The following TIMM44 variants were observed in gnomAD, a reference collection of about 807,000 sequenced individuals.
The protein encoded by TIMM44 is translocase of inner mitochondrial membrane 44.
In TIMM44, 37 loss-of-function variants were observed where a neutral mutation model predicts 63.8. The observed-to-expected ratio is 0.58, with a 90% CI of 0.45 to 0.76. TIMM44 has a LOEUF of 0.76. TIMM44 is among the 30% of genes least tolerant of loss of function. TIMM44 has a pLI of 0.00. For missense variants in TIMM44, 573 were observed against 603.8 expected (o/e 0.95, Z 0.54); for synonymous variants, 239 against 245.1 (o/e 0.98, Z 0.23).
chr19:7,943,271 T>C lies in TIMM44; in HGVS notation c.45+336A>G, dbSNP rs1297111243. On this transcript the variant is annotated intron_variant, in intron 1 of 12. Transcript: ENST00000270538. This position sits in a 1 kb window ranked among gnomAD's most constrained non-coding sequence, Gnocchi z 4.3. ...AACCGCGAGCTGTGAATTTCACGTT[T>C]TTTTGCCTTCCCCTCTACTTTTTTC... Among the ~76,000 whole-genome samples the C allele has an allele frequency of 6.6e-6, 1 of 152,048 alleles. No individual in the cohort carries two copies. Among genetic ancestry groups the C allele is most frequent in the Non-Finnish European group, 1.5e-5 (1 of 68,000 alleles).
Position 7,933,838 on chromosome 19 carries a change from A to C in TIMM44, c.683+26T>G, listed in dbSNP as rs1984057396. ...AGTGAAAGCTGCCCAAAATGGGGGC[A>C]GCGAGGGCCACGGGCTGGTACCTAC... On this transcript the variant is annotated intron_variant, in intron 6 of 12. Transcript: ENST00000270538. This position sits in a 1 kb window ranked among gnomAD's most constrained non-coding sequence, Gnocchi z 4.3. The C allele has an allele frequency of 6.2e-7, 1 of 1,613,634 alleles. No homozygotes were observed. Among genetic ancestry groups the C allele is most frequent in the African/African-American group, 1.3e-5 (1 of 74,936 alleles).
intron 3 of TIMM44, 54 bp from the exon 4 acceptor site, chr19:7,935,199 T>G: frequency 1.4e-6 from 2 of 1,452,668 alleles, no homozygotes; most frequent in Non-Finnish European, 1.9e-6. Flanking sequence ...AGACAATGTC[T>G]CCGTTGCCGA....
intron 2 of TIMM44, among the ~76,000 whole-genome samples, chr19:7,940,868 T>C (rs1411974991): frequency 6.6e-6 from 1 of 152,054 alleles, no homozygotes; most frequent in Non-Finnish European, 1.5e-5. Flanking sequence ...TAAAGGGCTA[T>C]TCTGACAGCA....
chr19:7,940,434 G>A (rs535067669), intron 2 of TIMM44, among the ~76,000 whole-genome samples: 2 of 152,194 alleles, frequency 1.3e-5, no homozygotes, highest in Non-Finnish European at 2.9e-5. Flanking sequence ...GAGTGAGTGT[G>A]TGGCGGGGGA....
chr19:7,937,994 G>C (rs961747739), intron 3 of TIMM44, 33 bp downstream of exon 3: 2 of 1,613,304 alleles, frequency 1.2e-6, no homozygotes, highest in Admixed American at 3.3e-5. Flanking sequence ...CTCCAGCCTG[G>C]GTGAGGGAAA....
rs1984234314 is a variant in TIMM44, at chr19:7,939,183, A to G, written c.142-986T>C. 2.0e-5 allele frequency among the ~76,000 whole-genome samples: 3 copies of G among 152,186 alleles called. 1 individual carries two copies. The South Asian group carries it at 6.2e-4, about 32-fold the overall frequency. ...ATCAACATCCTGTCAATTGTGACAGATGCTCCACACTAATGCAGGACGTGA... is the reference window on the plus strand; with the variant it reads ...ATCAACATCCTGTCAATTGTGACAGGTGCTCCACACTAATGCAGGACGTGA... On this transcript the variant is annotated intron_variant, in intron 2 of 12. Transcript: ENST00000270538.
chr19:7,929,902 G>A (rs1176418634), intron 10 of TIMM44, among the ~76,000 whole-genome samples: 1 of 152,144 alleles, frequency 6.6e-6, no homozygotes, highest in Non-Finnish European at 1.5e-5. Context: ...AGGCTGGAGT[G>A]CAGTGGTGCA....
chr19:7,941,213 G>A lies in TIMM44; in HGVS notation c.46-16C>T. On this transcript the variant is annotated splice_polypyrimidine_tract_variant and intron_variant, in intron 1 of 12. Transcript: ENST00000270538. ...CGAGGCATCTCTAATTGGGGGGAGA[G>A]AAGAGAAAGATCCATTCTAACAAGA... 1 of 1,587,650 alleles carries A rather than the reference G, an allele frequency of 6.3e-7. No individual in the cohort carries two copies. Among genetic ancestry groups the A allele is most frequent in the Non-Finnish European group, 8.6e-7 (1 of 1,156,088 alleles).
In TIMM44 at chr19:7,933,404, T is replaced by A. The variant is rs1439360363; in HGVS notation, c.769+81A>T. The A allele has an allele frequency of 7.8e-7, 1 of 1,274,618 alleles. No individual in the cohort carries two copies. Among genetic ancestry groups the A allele is most frequent in the Non-Finnish European group, 1.1e-6 (1 of 870,154 alleles). 79.0% of individuals were successfully genotyped at this position (1,274,618 alleles called of 1,614,324 possible). On this transcript the variant is annotated intron_variant, in intron 7 of 12. Coordinates refer to ENST00000270538, the MANE Select transcript of TIMM44 (RefSeq NM_006351.4). The surrounding 1 kb of genome is among the most constrained non-coding windows in gnomAD (Gnocchi z 4.3). ...TCCTCTGCAAAACGGGGCTGTCTTG[T>A]GCCCAATGCAGGGGGATCACCTTGC...
Position 7,943,636 on chromosome 19 carries a change from G to C in TIMM44, c.16C>G (p.Leu6Val), listed in dbSNP as rs1267488733. ...GGACAGCGGCACCAGCCACTCCGCA[G>C]GGCCGCCGCCGCCATGTTGGAGAAT... Reference protein sequence around the residue: MAAAALRSGWCRCPRR... With the variant: MAAAAVRSGWCRCPRR... The change falls in exon 1 of 13, where the codon CTG becomes GTG. Residue 6 changes from leucine to valine, a missense_variant. By Grantham distance (32) the Leu-to-Val change is conservative. Coordinates refer to ENST00000270538, the MANE Select transcript of TIMM44 (RefSeq NM_006351.4). This position sits in a 1 kb window ranked among gnomAD's most constrained non-coding sequence, Gnocchi z 4.3. The C allele has an allele frequency of 1.3e-6, 2 of 1,569,272 alleles. No homozygotes were observed. Among genetic ancestry groups the C allele is most frequent in the Non-Finnish European group, 1.7e-6 (2 of 1,164,592 alleles).
intron 9 of TIMM44, 61 bp downstream of exon 9, chr19:7,932,566 G>A (rs1335594109): frequency 1.7e-5 from 27 of 1,590,266 alleles, no homozygotes; most frequent in African/African-American, 5.4e-5. Flanking sequence ...CGGCTGCGGC[G>A]GGGGAGGTGG....
Position 7,937,992 on chromosome 19 carries a change from T to C in TIMM44, c.312+35A>G, listed in dbSNP as rs1473451369. ...GAGATCGCACCACTACTCTCCAGCC[T>C]GGGTGAGGGAAAAAAAAGCAGCAAA... On this transcript the variant is annotated intron_variant, in intron 3 of 12. Coordinates refer to ENST00000270538, the MANE Select transcript of TIMM44 (RefSeq NM_006351.4). 3 of 1,613,158 alleles carry C rather than the reference T, an allele frequency of 1.9e-6. No individual in the cohort carries two copies. In the South Asian group the frequency reaches 3.3e-5, roughly 18 times the overall value.
intron 2 of TIMM44, among the ~76,000 whole-genome samples, chr19:7,940,704 TCTGGTTGTGA>T (rs1272456244): frequency 3.3e-5 from 5 of 151,686 alleles, no homozygotes; most frequent in African/African-American, 1.2e-4. Flanking sequence ...GAAACTGAGG[TCTGGTTGTGA>T]CAAGGTGACT....
chr19:7,934,272 A>C lies in TIMM44; in HGVS notation c.394-34T>G, dbSNP rs1473262566. On this transcript the variant is annotated intron_variant, in intron 4 of 12. Transcript: ENST00000270538. This position sits in a 1 kb window ranked among gnomAD's most constrained non-coding sequence, Gnocchi z 5.3. ...ACAGACACAGAGAGGGGGCGTTGGC[A>C]CCGGCCCTGGCGGCCGGGGGGCGGG... 1 of 1,607,458 alleles carries C rather than the reference A, an allele frequency of 6.2e-7. No homozygotes were observed. Among genetic ancestry groups the C allele is most frequent in the Non-Finnish European group, 8.5e-7 (1 of 1,179,826 alleles).
At chr19:7,929,599 T>G (rs1276299080) in intron 10 of TIMM44, among the ~76,000 whole-genome samples, 2 of 152,160 alleles carry the variant, frequency 1.3e-5, no homozygotes, top group Non-Finnish European at 2.9e-5. Flanking sequence ...TCACACTTCA[T>G]TCTCACGACC....
intron 1 of TIMM44, among the ~76,000 whole-genome samples, chr19:7,942,434 T>TG (rs59752555): frequency 0.095 from 14,251 of 150,432 alleles, 775 homozygotes; most frequent in African/African-American, 0.16. Flanking sequence ...CATAAAAAAT[T>TG]GGGGGAAAAA....
At chr19:7,931,861 G>A (rs1426469556) in intron 9 of TIMM44, 2 of 156,732 alleles carry the variant, frequency 1.3e-5, no homozygotes, top group East Asian at 3.8e-4. Flanking sequence ...AAGGCACTGC[G>A]GTGCTCAGGC....
Position 7,927,716 on chromosome 19 carries a change from G to C in TIMM44, c.1180C>G (p.Gln394Glu). The C allele has an allele frequency of 6.2e-7, 1 of 1,613,286 alleles. No homozygotes were observed. Among genetic ancestry groups the C allele is most frequent in the Non-Finnish European group, 8.5e-7 (1 of 1,180,020 alleles). ...CTGACCACCATCACCAGCTGTGCCTGGAAGGTGATGATCAGCACCGGCCCC... is the reference window on the plus strand; with the variant it reads ...CTGACCACCATCACCAGCTGTGCCTCGAAGGTGATGATCAGCACCGGCCCC... Reference protein sequence around the residue: ...EQGPVLIITFQAQLVMVVRNP... With the variant: ...EQGPVLIITFEAQLVMVVRNP... The change falls in exon 12 of 13, where the codon CAG becomes GAG. Residue 394 changes from glutamine to glutamate, a missense_variant. By Grantham distance (29) the Gln-to-Glu change is conservative (BLOSUM62 2). Transcript: ENST00000270538.
At chr19:7,935,237 C>G in intron 3 of TIMM44, 92 bp from the exon 4 acceptor site, 1 of 1,114,396 alleles carries the variant, frequency 9.0e-7, no homozygotes, top group Non-Finnish European at 1.3e-6. Context: ...ACGCTCTCGG[C>G]TCACTGCAAC....
Sources: allele counts gnomAD v4.1 joint callset (sites outside exome capture counted in the v4.1 genomes callset), GRCh38; gene constraint gnomAD v4.1.1; non-coding constraint Gnocchi (gnomAD v3.1); transcripts MANE v1.5; gene names NCBI Gene and HGNC (gene_info 2026-07-23, HGNC 2026-07-21).